Variants in WDR7 observed in about 807,000 individuals in gnomAD.
WDR7 encodes the protein WD repeat domain 7, also known as WD repeat-containing protein 7.
In WDR7, 46 loss-of-function variants were observed where a neutral mutation model predicts 169.4. The ratio of observed to expected loss-of-function variants is 0.27; its 90% CI spans 0.21 to 0.35. The LOEUF (loss-of-function observed/expected upper bound fraction) is 0.35. WDR7 is among the 10% of genes least tolerant of loss of function. The probability of loss-of-function intolerance (pLI) is 1.00; values close to 1 mark genes in which losing one functional copy is unlikely to be tolerated. For synonymous variants in WDR7, 612 were observed against 666.8 expected, an observed-to-expected ratio of 0.92 and a Z score of 1.27; for missense variants, 1,534 against 1,859.3, an observed-to-expected ratio of 0.83 and a Z score of 3.22.
At chr18:56,695,535 A>G (rs1057499329) in intron 11 of WDR7, among the ~76,000 whole-genome samples, 17 of 150,558 alleles carry the variant, frequency 1.1e-4, no homozygotes, top group Admixed American at 5.3e-4. Context: ...TCCAATAGAA[A>G]TCTTTTTTTT....
At chr18:56,672,341 AGTC>A (rs886283322) in intron 1 of WDR7, among the ~76,000 whole-genome samples, 153 bp from the exon 2 acceptor site, 2 of 151,934 alleles carry the variant, frequency 1.3e-5, no homozygotes, top group African/African-American at 4.8e-5. Flanking sequence ...ATAATAAACT[AGTC>A]GTTTTTTTTT....
At chr18:56,900,690 A>G (rs1413931539) in intron 21 of WDR7, among the ~76,000 whole-genome samples, 1 of 152,178 alleles carries the variant, frequency 6.6e-6, no homozygotes, top group African/African-American at 2.4e-5. Flanking sequence ...AAATTTGCCA[A>G]AGTGGCCTAC....
chr18:56,744,256 A>G (rs1013959130), intron 14 of WDR7, among the ~76,000 whole-genome samples: 86 of 140,794 alleles, frequency 6.1e-4, no homozygotes, highest in Non-Finnish European at 1.1e-3. Context: ...AAAAAAAAAA[A>G]AAAAAAAAAA....
chr18:56,840,736 C>A (rs972974610), intron 20 of WDR7, among the ~76,000 whole-genome samples: 1 of 151,670 alleles, frequency 6.6e-6, no homozygotes, highest in African/African-American at 2.4e-5. Context: ...AGAAGATCAT[C>A]TGAACCCGAG....
intron 19 of WDR7, among the ~76,000 whole-genome samples, chr18:56,809,915 T>G (rs2044840004): frequency 6.6e-6 from 1 of 152,130 alleles, no homozygotes; most frequent in Non-Finnish European, 1.5e-5. Context: ...TCTAAAAATT[T>G]TGCTTTACCT....
chr18:56,750,402 G>A (rs1335834814), intron 14 of WDR7, among the ~76,000 whole-genome samples: 1 of 152,018 alleles, frequency 6.6e-6, no homozygotes, highest in Non-Finnish European at 1.5e-5. Context: ...GCAAATTTGA[G>A]GTCTTTTCAT....
chr18:56,783,131 A>C (rs1211993690), intron 19 of WDR7, among the ~76,000 whole-genome samples: 1 of 145,764 alleles, frequency 6.9e-6, no homozygotes, highest in Non-Finnish European at 1.5e-5. Context: ...GCTTTCTGGA[A>C]ATTTTTCTAT....
At chr18:56,867,979 A>G (rs900130500) in intron 20 of WDR7, among the ~76,000 whole-genome samples, 3 of 152,198 alleles carry the variant, frequency 2.0e-5, no homozygotes, top group Non-Finnish European at 2.9e-5. Context: ...GGTATATAGT[A>G]AAAGAAATTA....
At chr18:56,876,104 C>A (rs921562006) in intron 20 of WDR7, among the ~76,000 whole-genome samples, 1 of 152,100 alleles carries the variant, frequency 6.6e-6, no homozygotes, top group Non-Finnish European at 1.5e-5. Context: ...TTTGGCACCT[C>A]TTTAGTTTGC....
intron 13 of WDR7, 52 bp from the exon 14 acceptor site, chr18:56,731,331 A>C: frequency 6.3e-7 from 1 of 1,577,484 alleles, no homozygotes; most frequent in Non-Finnish European, 8.7e-7. Context: ...TACTTAAACT[A>C]TTCAAAATGT....
intron 20 of WDR7, among the ~76,000 whole-genome samples, chr18:56,863,326 GA>G (rs550081465): frequency 6.3e-4 from 95 of 151,564 alleles, no homozygotes; most frequent in Non-Finnish European, 8.7e-4. Flanking sequence ...CAAAATTTAG[GA>G]AATATGTTAC....
chr18:56,906,471 A>G (rs914371797), intron 21 of WDR7, among the ~76,000 whole-genome samples: 2 of 152,130 alleles, frequency 1.3e-5, no homozygotes, highest in African/African-American at 2.4e-5. Flanking sequence ...ACTGGTTCAA[A>G]GTTGTTGAAG....
intron 2 of WDR7, among the ~76,000 whole-genome samples, chr18:56,674,156 T>C (rs1246476349): frequency 1.3e-5 from 2 of 152,200 alleles, no homozygotes; most frequent in East Asian, 3.9e-4. Flanking sequence ...AGCGTGGAAT[T>C]GTGGGATCGT....
rs1433672446 is a variant in WDR7, at chr18:56,754,396, TATATATACAC to T, written c.1990-2175_1990-2166del. 3.4e-5 allele frequency among the ~76,000 whole-genome samples: 5 copies of T among 148,654 alleles called. No individual in the cohort carries two copies. In the East Asian group the frequency reaches 8.1e-4, roughly 24 times the overall value. ...ACGTATATATGTGTATATATACGTG[TATATATACAC>T]ATATATACACACACAAATATATATA... On this transcript the variant is annotated intron_variant, in intron 14 of 27. Coordinates refer to ENST00000254442, the MANE Select transcript of WDR7 (RefSeq NM_015285.3).
chr18:56,880,924 A>G (rs1047594987), intron 21 of WDR7, among the ~76,000 whole-genome samples: 2 of 152,198 alleles, frequency 1.3e-5, no homozygotes, highest in Admixed American at 1.3e-4. Context: ...ATATAGCAAA[A>G]TTATTTCTAA....
intron 25 of WDR7, chr18:56,957,258 A>G (rs2047264941): frequency 6.6e-6 from 1 of 152,142 alleles, no homozygotes; most frequent in Admixed American, 6.6e-5. Context: ...TTTTGTATTA[A>G]AGGTTAGAAA....
intron 20 of WDR7, among the ~76,000 whole-genome samples, chr18:56,833,356 G>A (rs912695770): frequency 3.9e-5 from 6 of 151,998 alleles, no homozygotes; most frequent in Non-Finnish European, 8.8e-5. Flanking sequence ...ATGGGACTAT[G>A]GGACTATGGG....
chr18:56,846,981 T>C (rs2045577878), intron 20 of WDR7, among the ~76,000 whole-genome samples: 1 of 152,146 alleles, frequency 6.6e-6, no homozygotes, highest in Non-Finnish European at 1.5e-5. Context: ...CCTGAAGATG[T>C]GGAAGCAGCT....
chr18:56,976,525 T>C (rs1235835443), intron 26 of WDR7, among the ~76,000 whole-genome samples: 1 of 152,200 alleles, frequency 6.6e-6, no homozygotes, highest in East Asian at 1.9e-4. Context: ...GTAGGTAGTA[T>C]GGTGAGCAAC....
Sources: allele counts gnomAD v4.1 joint callset (sites outside exome capture counted in the v4.1 genomes callset), GRCh38; gene constraint gnomAD v4.1.1; transcripts MANE v1.5; gene names NCBI Gene and HGNC (gene_info 2026-07-23, HGNC 2026-07-21).